Variants in SLC2A3 observed in about 807,000 individuals in gnomAD.
The protein encoded by SLC2A3 is solute carrier family 2, facilitated glucose transporter member 3.
In SLC2A3, 21 loss-of-function variants were observed where a neutral mutation model predicts 46.4. The ratio of observed to expected loss-of-function variants is 0.45; its 90% CI spans 0.32 to 0.65. The LOEUF (loss-of-function observed/expected upper bound fraction) is 0.65, where lower values mean the gene tolerates loss of function less well. Ranked by LOEUF, SLC2A3 falls within the 30% of genes least tolerant of loss-of-function variation. The probability of loss-of-function intolerance (pLI) is 0.04; values close to 1 mark genes in which losing one functional copy is unlikely to be tolerated. For missense variants in SLC2A3, 499 were observed against 623.3 expected (o/e 0.80, Z 2.12); for synonymous variants, 213 against 239.4 (o/e 0.89, Z 1.02).
At position 7,919,622 on chromosome 12, in the gene SLC2A3, A is replaced by C. The variant is rs1442364591; in HGVS notation, c.*1791T>G. ...TTTTTAGTAGAGACAGGGTTTCACGATGTTGGCCAGACTGGTCTCGAACCC... is the reference window on the plus strand; with the variant it reads ...TTTTTAGTAGAGACAGGGTTTCACGCTGTTGGCCAGACTGGTCTCGAACCC... On this transcript the variant is annotated 3_prime_UTR_variant, in exon 10 of 10. Transcript: ENST00000075120. 6.6e-6 allele frequency: 1 copy of C among 151,996 alleles called. No homozygotes were observed. Among genetic ancestry groups the C allele is most frequent in the African/African-American group, 2.4e-5 (1 of 41,346 alleles). 9.4% of individuals were successfully genotyped at this position (151,996 alleles called of 1,614,324 possible).
chr12:7,929,456 T>C (rs1946129753), intron 6 of SLC2A3: 7 of 615,802 alleles, frequency 1.1e-5, no homozygotes, highest in Non-Finnish European at 1.6e-5. Flanking sequence ...CCAGGGTCTT[T>C]TTTTTTTTTC....
intron 3 of SLC2A3, chr12:7,932,722 G>A (rs1396706215): frequency 2.6e-6 from 1 of 384,882 alleles, no homozygotes; most frequent in Non-Finnish European, 4.7e-6. Context: ...AGTTTACTAG[G>A]GAATAATTCT....
At chr12:7,932,339 G>A (rs753992181) in intron 3 of SLC2A3, among the ~76,000 whole-genome samples, 11 of 152,022 alleles carry the variant, frequency 7.2e-5, no homozygotes, top group East Asian at 1.9e-4. Flanking sequence ...CACTACGCCC[G>A]GCTAATTTTT....
rs1344074710 is a variant in SLC2A3, at chr12:7,932,632, AAAT to A, written c.269+352_269+354del. The A allele has an allele frequency of 1.0e-5, 2 of 197,554 alleles. 1 individual carries two copies. Among genetic ancestry groups the A allele is most frequent in the Non-Finnish European group, 2.0e-5 (2 of 97,742 alleles). The allele number at this position is 197,554 out of a possible 1,614,324, so 12.2% of individuals were successfully genotyped here. ...AAATAATTCCTACCAATCCTGGGTA[AAAT>A]AATAAAAACATTTATAATACAAGTA... is the stretch of plus-strand genomic sequence containing the variant. On this transcript the variant is annotated intron_variant, in intron 3 of 9. Transcript: ENST00000075120.
At chr12:7,935,937 GAAC>G in intron 1 of SLC2A3, 80 bp downstream of exon 1, 4 of 1,174,012 alleles carry the variant, frequency 3.4e-6, no homozygotes, top group Non-Finnish European at 5.1e-6. Flanking sequence ...GGAGAAAATA[GAAC>G]AAGGAGATTA....
At chr12:7,925,710 T>G (rs1165609857) in intron 7 of SLC2A3, 134 bp downstream of exon 7, 3 of 703,620 alleles carry the variant, frequency 4.3e-6, no homozygotes, top group Non-Finnish European at 7.3e-6. Context: ...AACATTAAAT[T>G]TATCTCTTTT....
chr12:7,936,181 C>T lies in SLC2A3; in HGVS notation c.-147G>A, dbSNP rs1007970763. 3 of 731,242 alleles carry T rather than the reference C, an allele frequency of 4.1e-6. No individual in the cohort carries two copies. The highest frequency in any genetic ancestry group is 1.7e-5 in the African/African-American group (1 of 57,522). The allele number at this position is 731,242 out of a possible 1,614,324, so 45.3% of individuals were successfully genotyped here. ...AGGATCCAAAGTCTTACCATTACAG[C>T]ATCTCTGGGTCTCGCTGGGATCATG... On this transcript the variant is annotated 5_prime_UTR_variant, in exon 1 of 10. An upstream start codon of the reference 5' UTR is lost. Transcript: ENST00000075120.
chr12:7,931,584 TC>T lies in SLC2A3; in HGVS notation c.270-100del, dbSNP rs746170743. ...TCTGTTCTTCTCCAGGCTCATATCA[TC>T]CCTTTTTTTTTTAATCTAACTTTTG... On this transcript the variant is annotated intron_variant, in intron 3 of 9. Transcript: ENST00000075120. 231 of 1,494,308 alleles carry T rather than the reference TC, an allele frequency of 1.5e-4. No individual in the cohort carries two copies. In the East Asian group the frequency reaches 2.4e-3, roughly 15 times the overall value. The allele number at this position is 1,494,308 out of a possible 1,614,324, so 92.6% of individuals were successfully genotyped here. A position where few individuals can be genotyped will look rare whatever the true frequency, so the allele number is the denominator to read the frequency against.
At chr12:7,926,576 C>G (rs1364827054) in intron 6 of SLC2A3, among the ~76,000 whole-genome samples, 1 of 152,158 alleles carries the variant, frequency 6.6e-6, no homozygotes, top group Non-Finnish European at 1.5e-5. Context: ...GTTGCCCAGG[C>G]TGGTCCTAAA....
intron 7 of SLC2A3, chr12:7,925,586 T>G (rs1426094256): frequency 9.2e-6 from 3 of 326,824 alleles, no homozygotes; most frequent in South Asian, 5.5e-5. Context: ...AGCTTGAGAG[T>G]TTTTCCAAGC....
intron 6 of SLC2A3, among the ~76,000 whole-genome samples, chr12:7,928,916 T>C (rs1946123319): frequency 6.6e-6 from 1 of 151,186 alleles, no homozygotes; most frequent in Non-Finnish European, 1.5e-5. Context: ...GCCTCCCGAG[T>C]AGTAGCTGGG....
At chr12:7,933,359 TCA>T (rs1307825728) in intron 2 of SLC2A3, 10 of 661,580 alleles carry the variant, frequency 1.5e-5, no homozygotes, top group South Asian at 1.4e-4. Context: ...GCACCGATGT[TCA>T]CAGTCTACCC....
intron 7 of SLC2A3, 61 bp from the exon 8 acceptor site, chr12:7,924,572 T>C: frequency 4.0e-6 from 6 of 1,515,830 alleles, no homozygotes; most frequent in Non-Finnish European, 4.4e-6. Context: ...GCATCTGAGC[T>C]ACTTGAAATC....
In SLC2A3 at chr12:7,922,847, C is replaced by T. The variant is rs1189621217; in HGVS notation, c.1246G>A (p.Val416Ile). The T allele has an allele frequency of 1.9e-6, 3 of 1,613,896 alleles. No homozygotes were observed. In the African/African-American group the frequency reaches 4.0e-5, roughly 22 times the overall value. The stretch of plus-strand genomic sequence containing the variant: ...GCAGCGGAGGGGAAGAGCAATCCGA[C>T]TAGGAAGTTGGAGGTCCAGTTGGAG... ...GCSNWTSNFL[V>I]GLLFPSAAHY... Residue 416 changes from valine (V) to isoleucine (I), a missense_variant, in exon 9 of 10, where the codon GTC becomes ATC. Val to Ile is a conservative substitution (Grantham distance 29). Coordinates refer to ENST00000075120, the MANE Select transcript of SLC2A3 (RefSeq NM_006931.3).
chr12:7,936,112 C>A lies in SLC2A3; in HGVS notation c.-78G>T. On this transcript the variant is annotated 5_prime_UTR_variant, in exon 1 of 10. Transcript: ENST00000075120. Reference sequence around the variant, plus strand: ...CAGCTTTTTCAGCCAACAAAACCTTCAAAATGTCCTTCTCAGCAGCAAGTT... The same window carrying A: ...CAGCTTTTTCAGCCAACAAAACCTTAAAAATGTCCTTCTCAGCAGCAAGTT... 1 of 1,245,220 alleles carries A rather than the reference C, an allele frequency of 8.0e-7. No individual in the cohort carries two copies. The highest frequency in any genetic ancestry group is 1.2e-6 in the Non-Finnish European group (1 of 845,422). 77.1% of individuals were successfully genotyped at this position (1,245,220 alleles called of 1,614,324 possible).
intron 8 of SLC2A3, 146 bp downstream of exon 8, chr12:7,924,264 T>C: frequency 7.1e-7 from 1 of 1,409,956 alleles, no homozygotes; most frequent in Non-Finnish European, 9.6e-7. Context: ...TGACGACCCA[T>C]GTTTCTTAAA....
intron 3 of SLC2A3, among the ~76,000 whole-genome samples, chr12:7,932,389 G>C (rs1165809820): frequency 6.6e-6 from 1 of 152,096 alleles, no homozygotes; most frequent in East Asian, 1.9e-4. Context: ...TGTTGGCCAG[G>C]CTGGTCTCGA....
intron 1 of SLC2A3, among the ~76,000 whole-genome samples, chr12:7,935,028 T>C (rs2300143): frequency 0.039 from 5,946 of 152,256 alleles, 331 homozygotes; most frequent in African/African-American, 0.12. Flanking sequence ...GGGATCTCAC[T>C]ATATTGCCCA....
At chr12:7,933,353 C>CG in intron 2 of SLC2A3, 1 of 679,376 alleles carries the variant, frequency 1.5e-6, no homozygotes, top group Middle Eastern at 3.4e-4. Context: ...GTGGCAGCAC[C>CG]GATGTTCACA....
Sources: gnomAD v4.1 joint callset for allele counts (sites outside exome capture counted in the v4.1 genomes callset) on GRCh38, gnomAD v4.1.1 for gene constraint, MANE v1.5 for transcripts, NCBI Gene and HGNC (gene_info 2026-07-23, HGNC 2026-07-21) for gene names.